TMEM266: variants seen among roughly 807,000 people sequenced by gnomAD.
TMEM266 encodes the protein Hv1 related protein 1.
TMEM266 carries 33 observed loss-of-function variants against 50.5 expected under a neutral mutation model. That is an observed-to-expected ratio of 0.65 (90% CI 0.50 to 0.87). The LOEUF (loss-of-function observed/expected upper bound fraction) is 0.87, where lower values mean the gene tolerates loss of function less well. Ranked by LOEUF, TMEM266 falls within the 40% of genes least tolerant of loss-of-function variation. TMEM266 has a pLI of 0.00. For synonymous variants in TMEM266, 310 were observed against 292.3 expected (o/e 1.06, Z -0.62); for missense variants, 655 against 695.1 (o/e 0.94, Z 0.65).
At chr15:76,089,597 A>G (rs1034006848) in intron 1 of TMEM266, among the ~76,000 whole-genome samples, 2 of 152,120 alleles carry the variant, frequency 1.3e-5, no homozygotes, top group Non-Finnish European at 2.9e-5. Context: ...GTTGTGTATG[A>G]TACTAATAAG....
intron 1 of TMEM266, among the ~76,000 whole-genome samples, chr15:76,125,912 C>T (rs904269042): frequency 1.3e-5 from 2 of 151,198 alleles, no homozygotes; most frequent in African/African-American, 2.4e-5. Flanking sequence ...AAACATTTCT[C>T]CAAAGGAGAC....
chr15:76,127,387 C>T (rs571952317), intron 1 of TMEM266, among the ~76,000 whole-genome samples: 7 of 150,216 alleles, frequency 4.7e-5, no homozygotes, highest in Non-Finnish European at 1.0e-4. Context: ...AGTGCAGTGG[C>T]TCAATCATAG....
intron 8 of TMEM266, chr15:76,178,500 C>G (rs1043326881): frequency 2.6e-5 from 4 of 152,374 alleles, no homozygotes; most frequent in Non-Finnish European, 4.4e-5. Context: ...AAATTCGCAG[C>G]CTCCCAGCCC....
At chr15:76,143,880 C>G (rs1047979720) in intron 3 of TMEM266, among the ~76,000 whole-genome samples, 2 of 152,144 alleles carry the variant, frequency 1.3e-5, no homozygotes, top group Admixed American at 1.3e-4. Flanking sequence ...GCCTAGGTCT[C>G]TCTCTCTCTC....
In TMEM266 at chr15:76,158,046, T is replaced by C. The variant is rs148875793; in HGVS notation, c.382+1288T>C. Among the ~76,000 whole-genome samples, 318 of 152,194 alleles carry C rather than the reference T, an allele frequency of 2.1e-3. 1 individual carries two copies. The highest frequency in any genetic ancestry group is 7.2e-3 in the African/African-American group (297 of 41,530). On this transcript the variant is annotated intron_variant, in intron 4 of 10. Coordinates refer to ENST00000388942, the MANE Select transcript of TMEM266 (RefSeq NM_152335.3). ...AATAAATAGAGGTACAATTATCAGC[T>C]CCAGAGAGATTCTTTTCCTTCCATT...
intron 3 of TMEM266, among the ~76,000 whole-genome samples, chr15:76,155,904 A>G (rs2037916577): frequency 6.6e-6 from 1 of 152,220 alleles, no homozygotes; most frequent in South Asian, 2.1e-4. Flanking sequence ...GCCAGAGCCC[A>G]TGTCACCGCA....
chr15:76,085,614 T>C, intron 1 of TMEM266, among the ~76,000 whole-genome samples: 1 of 152,318 alleles, frequency 6.6e-6, no homozygotes, highest in East Asian at 1.9e-4. Context: ...CACACATGGC[T>C]GGTGGTGTTA....
At chr15:76,082,957 A>T (rs1393874528) in intron 1 of TMEM266, among the ~76,000 whole-genome samples, 5 of 150,492 alleles carry the variant, frequency 3.3e-5, no homozygotes, top group Admixed American at 2.6e-4. Flanking sequence ...CGACAGAGCA[A>T]GACTCTGTCT....
At chr15:76,081,722 T>C (rs914857176) in intron 1 of TMEM266, among the ~76,000 whole-genome samples, 1 of 152,200 alleles carries the variant, frequency 6.6e-6, no homozygotes, top group African/African-American at 2.4e-5. Flanking sequence ...ATCTGGTAGA[T>C]GGCGAATGTA....
At chr15:76,183,103 C>CTTTTTTGTTTTTTT (rs2038442200) in intron 8 of TMEM266, among the ~76,000 whole-genome samples, 1 of 44,126 alleles carries the variant, frequency 2.3e-5, no homozygotes, top group Non-Finnish European at 3.8e-5. Context: ...CATTTTGTGG[C>CTTTTTTGTTTTTTT]TTTTTTTTTT....
intron 1 of TMEM266, among the ~76,000 whole-genome samples, chr15:76,067,243 T>C (rs1205191871): frequency 1.3e-5 from 2 of 152,144 alleles, no homozygotes; most frequent in East Asian, 3.8e-4. Context: ...CAGTTGTAGA[T>C]TATATCATAA....
chr15:76,104,953 C>T (rs1183512276), intron 1 of TMEM266, among the ~76,000 whole-genome samples: 1 of 152,104 alleles, frequency 6.6e-6, no homozygotes, highest in African/African-American at 2.4e-5. Flanking sequence ...GGCACGGTGG[C>T]TCACACCTGT....
In TMEM266 at chr15:76,147,922, T is replaced by C. The variant is rs889477397; in HGVS notation, c.228-8682T>C. On this transcript the variant is annotated intron_variant, in intron 3 of 10. Coordinates refer to ENST00000388942, the MANE Select transcript of TMEM266 (RefSeq NM_152335.3). The stretch of plus-strand genomic sequence containing the variant: ...CGCCAGTAGTCCCAGCTTCTCAGGA[T>C]TGCACCAGTGCACTCCAGCCTGGGC... 2.0e-5 allele frequency among the ~76,000 whole-genome samples: 3 copies of C among 152,186 alleles called. No individual in the cohort carries two copies. The South Asian group carries it at 6.2e-4, about 32-fold the overall frequency.
chr15:76,085,142 G>A (rs2036756743), intron 1 of TMEM266, among the ~76,000 whole-genome samples: 1 of 151,110 alleles, frequency 6.6e-6, no homozygotes, highest in East Asian at 1.9e-4. Context: ...TGTATTTTTA[G>A]TAGAGACAGG....
intron 1 of TMEM266, among the ~76,000 whole-genome samples, chr15:76,124,145 G>C (rs1243412042): frequency 6.6e-6 from 1 of 152,220 alleles, no homozygotes; most frequent in East Asian, 1.9e-4. Context: ...ATGTTGTCTG[G>C]AGAGCTTAGA....
chr15:76,073,230 C>T (rs946518301), intron 1 of TMEM266, among the ~76,000 whole-genome samples: 7 of 113,554 alleles, frequency 6.2e-5, no homozygotes, highest in African/African-American at 2.3e-4. Context: ...CTTGCCCGGC[C>T]TTCTTTTTTT....
chr15:76,157,550 G>A (rs1567170500), intron 4 of TMEM266, among the ~76,000 whole-genome samples: 1 of 152,148 alleles, frequency 6.6e-6, no homozygotes, highest in Admixed American at 6.6e-5. Flanking sequence ...TACCCCACCA[G>A]GCCTACCCCC....
chr15:76,060,363 G>GC (rs2036276116), intron 1 of TMEM266, among the ~76,000 whole-genome samples: 1 of 151,554 alleles, frequency 6.6e-6, no homozygotes. Flanking sequence ...AAGCTGGAGG[G>GC]GGGGGTTGCT....
At chr15:76,150,842 C>A (rs942027261) in intron 3 of TMEM266, among the ~76,000 whole-genome samples, 5 of 152,152 alleles carry the variant, frequency 3.3e-5, no homozygotes, top group African/African-American at 1.2e-4. Context: ...AAGCCTCTGC[C>A]GGAAGTTTGT....
Sources: allele counts gnomAD v4.1 joint callset (sites outside exome capture counted in the v4.1 genomes callset), GRCh38; gene constraint gnomAD v4.1.1; transcripts MANE v1.5; gene names NCBI Gene and HGNC (gene_info 2026-07-23, HGNC 2026-07-21).